FAM135B: variants seen among roughly 807,000 people sequenced by gnomAD.
FAM135B encodes the protein protein FAM135B.
Under a neutral mutation model 127.7 loss-of-function variants are expected in FAM135B, and 43 were observed. The observed-to-expected ratio is 0.34, with a 90% CI of 0.26 to 0.43. The LOEUF (loss-of-function observed/expected upper bound fraction) is 0.43. Ranked by LOEUF, FAM135B falls within the 20% of genes least tolerant of loss-of-function variation. The probability of loss-of-function intolerance (pLI) is 1.00; values close to 1 mark genes in which losing one functional copy is unlikely to be tolerated. For synonymous variants in FAM135B, 670 were observed against 665.1 expected, an observed-to-expected ratio of 1.01 and a Z score of -0.11; for missense variants, 1,558 against 1,725.6, an observed-to-expected ratio of 0.90 and a Z score of 1.72.
chr8:138,460,574 T>G (rs1024280315), intron 1 of FAM135B, among the ~76,000 whole-genome samples: 3 of 152,232 alleles, frequency 2.0e-5, no homozygotes, highest in Admixed American at 1.3e-4. Context: ...CATTTGTGCC[T>G]GCTTCAGACT....
intron 1 of FAM135B, among the ~76,000 whole-genome samples, chr8:138,405,346 A>G (rs1164305423): frequency 6.8e-6 from 1 of 146,570 alleles, no homozygotes; most frequent in Non-Finnish European, 1.5e-5. Flanking sequence ...CATTAGGTAT[A>G]TCTCCTAATG....
chr8:138,138,511 G>A (rs897647408), intron 18 of FAM135B, among the ~76,000 whole-genome samples: 1 of 152,238 alleles, frequency 6.6e-6, no homozygotes, highest in African/African-American at 2.4e-5. Flanking sequence ...AGCAGGTAGG[G>A]TCTTCAACAC....
chr8:138,153,287 A>T, intron 12 of FAM135B, 71 bp from the exon 13 acceptor site: 1 of 1,269,824 alleles, frequency 7.9e-7, no homozygotes, highest in African/African-American at 1.5e-5. Flanking sequence ...CCAAATGTCT[A>T]ACTGTATAAT....
At chr8:138,291,519 T>C (rs1307459065) in intron 3 of FAM135B, among the ~76,000 whole-genome samples, 5 of 152,126 alleles carry the variant, frequency 3.3e-5, no homozygotes, top group African/African-American at 1.2e-4. Flanking sequence ...ATATATCTGA[T>C]GAACATAGAT....
intron 1 of FAM135B, among the ~76,000 whole-genome samples, chr8:138,412,190 C>A (rs1161681892): frequency 6.6e-6 from 1 of 152,126 alleles, no homozygotes; most frequent in Non-Finnish European, 1.5e-5. Flanking sequence ...TGCAACAAAT[C>A]TGCAAATGTA....
chr8:138,157,342 A>G (rs1430303458), intron 12 of FAM135B, among the ~76,000 whole-genome samples: 2 of 152,336 alleles, frequency 1.3e-5, no homozygotes, highest in South Asian at 4.1e-4. Context: ...CCACTATCAT[A>G]CTGAATGGGC....
intron 5 of FAM135B, 49 bp downstream of exon 5, chr8:138,256,640 G>A (rs2130542789): frequency 6.8e-7 from 1 of 1,476,026 alleles, no homozygotes; most frequent in East Asian, 2.3e-5. Context: ...GGGGAAGCGG[G>A]GAGGAGAGCA....
At chr8:138,408,905 G>A (rs1157560794) in intron 1 of FAM135B, among the ~76,000 whole-genome samples, 2 of 152,122 alleles carry the variant, frequency 1.3e-5, no homozygotes, top group Non-Finnish European at 2.9e-5. Context: ...GAATGCTGTG[G>A]CTTGTTTGGT....
At chr8:138,144,348 T>A (rs1371678879) in intron 15 of FAM135B, 1 of 151,974 alleles carries the variant, frequency 6.6e-6, no homozygotes, top group Non-Finnish European at 1.5e-5. Flanking sequence ...GAGGTGGAGG[T>A]CGCAGTGAGC....
intron 1 of FAM135B, among the ~76,000 whole-genome samples, chr8:138,395,534 A>G (rs1213637146): frequency 6.6e-6 from 1 of 152,142 alleles, no homozygotes. Context: ...CAGCCCTATT[A>G]GATTACAGAT....
At chr8:138,491,607 A>G (rs903904614) in intron 1 of FAM135B, among the ~76,000 whole-genome samples, 6 of 148,866 alleles carry the variant, frequency 4.0e-5, no homozygotes, top group African/African-American at 1.3e-4. Flanking sequence ...ACGTTCACTC[A>G]TTCATTCATT....
At position 138,153,203 on chromosome 8, in the gene FAM135B, A is replaced by G. The variant is rs374524029; in HGVS notation, c.1272T>C (p.Ser424=). ...VDCPATGHNL[S]VYPNFDVPVT... ...CTGGAACATCAAAATTAGGATAAAC[A>G]CTCAAGTTATGCCCTACAAAAAAAA... The change falls in exon 13 of 20, where the codon AGT becomes AGC. Residue 424 remains serine (S), a synonymous_variant. Transcript: ENST00000395297. 4.5e-6 allele frequency: 7 copies of G among 1,558,114 alleles called. No homozygotes were observed. In the African/African-American group the frequency reaches 1.0e-4, roughly 23 times the overall value.
At chr8:138,345,469 G>A (rs1052220483) in intron 2 of FAM135B, among the ~76,000 whole-genome samples, 8 of 152,194 alleles carry the variant, frequency 5.3e-5, no homozygotes, top group Admixed American at 2.0e-4. Flanking sequence ...ATGTAACTCC[G>A]GGTAATTCTA....
intron 8 of FAM135B, among the ~76,000 whole-genome samples, chr8:138,196,108 A>T (rs542722637): frequency 6.6e-6 from 1 of 152,384 alleles, no homozygotes; most frequent in South Asian, 2.1e-4. Flanking sequence ...TGTCTAGCAC[A>T]ATATCTGACA....
At chr8:138,281,956 A>G (rs974890104) in intron 3 of FAM135B, among the ~76,000 whole-genome samples, 8 of 152,192 alleles carry the variant, frequency 5.3e-5, no homozygotes, top group Admixed American at 3.3e-4. Flanking sequence ...AACTACAGGC[A>G]TGCACCATTG....
At chr8:138,164,279 G>C (rs1819688405) in intron 12 of FAM135B, among the ~76,000 whole-genome samples, 1 of 152,130 alleles carries the variant, frequency 6.6e-6, no homozygotes, top group Admixed American at 6.5e-5. Flanking sequence ...GATAGAGAAG[G>C]CTCAGGTCAG....
At chr8:138,294,760 A>G (rs1825356948) in intron 3 of FAM135B, among the ~76,000 whole-genome samples, 1 of 152,188 alleles carries the variant, frequency 6.6e-6, no homozygotes, top group African/African-American at 2.4e-5. Context: ...CTTTCTCATG[A>G]TAAAACAAAA....
intron 9 of FAM135B, among the ~76,000 whole-genome samples, chr8:138,189,648 C>G (rs541908281): frequency 6.6e-6 from 1 of 152,274 alleles, no homozygotes; most frequent in African/African-American, 2.4e-5. Flanking sequence ...TCCCAAAGTA[C>G]TCACCCCAGC....
intron 12 of FAM135B, among the ~76,000 whole-genome samples, chr8:138,167,135 G>C (rs952884276): frequency 6.6e-6 from 1 of 152,034 alleles, no homozygotes; most frequent in Non-Finnish European, 1.5e-5. Context: ...CAGACAGGGG[G>C]ATAATGTGCT....
Sources: gnomAD v4.1 joint callset for allele counts (sites outside exome capture counted in the v4.1 genomes callset) on GRCh38, gnomAD v4.1.1 for gene constraint, MANE v1.5 for transcripts, NCBI Gene and HGNC (gene_info 2026-07-23, HGNC 2026-07-21) for gene names.